Variants in HS6ST3 observed in about 807,000 individuals in gnomAD.
HS6ST3 encodes heparan sulfate 6-O-sulfotransferase 3.
A neutral mutation model predicts 36.7 loss-of-function variants in HS6ST3; 12 were observed. The ratio of observed to expected loss-of-function variants is 0.33; its 90% CI spans 0.21 to 0.53. The LOEUF is 0.53. HS6ST3 is among the 20% of genes least tolerant of loss of function. The pLI is 0.95. For missense variants in HS6ST3, 584 were observed against 640.9 expected, an observed-to-expected ratio of 0.91 and a Z score of 0.96; for synonymous variants, 240 against 257.5, an observed-to-expected ratio of 0.93 and a Z score of 0.65.
At position 96,502,706 on chromosome 13, in the gene HS6ST3, C is replaced by T. The variant is rs138012105; in HGVS notation, c.708-329784C>T. Among the ~76,000 whole-genome samples the T allele has an allele frequency of 1.0e-3, 155 of 152,198 alleles. 1 individual carries two copies. The highest frequency in any genetic ancestry group is 7.7e-3 in the South Asian group (37 of 4,826). Reference sequence around the variant, plus strand: ...GGTCTTCTAATGCCCATGTCTGGGACGGGAACATGCACCATCTCTCATGTG... The same window carrying T: ...GGTCTTCTAATGCCCATGTCTGGGATGGGAACATGCACCATCTCTCATGTG... On this transcript the variant is annotated intron_variant, in intron 1 of 1. Transcript: ENST00000376705.
intron 1 of HS6ST3, among the ~76,000 whole-genome samples, chr13:96,287,079 A>G (rs1454667521): frequency 6.6e-6 from 1 of 152,090 alleles, no homozygotes; most frequent in African/African-American, 2.4e-5. Flanking sequence ...TTGGAAGACA[A>G]GAAGATCTTT....
chr13:96,173,232 A>T lies in HS6ST3; in HGVS notation c.707+81663A>T, dbSNP rs137932636. Among the ~76,000 whole-genome samples, 21 of 152,264 alleles carry T rather than the reference A, an allele frequency of 1.4e-4. No homozygotes were observed. The East Asian group carries it at 4.1e-3, about 29-fold the overall frequency. ...GATGTATCTCTGTAAACTAGGTGTG[A>T]TTATCATCATTTTACAGAAGAAGAA... is the stretch of plus-strand genomic sequence containing the variant. On this transcript the variant is annotated intron_variant, in intron 1 of 1. Transcript: ENST00000376705.
At chr13:96,496,574 C>A (rs891798963) in intron 1 of HS6ST3, among the ~76,000 whole-genome samples, 3 of 152,044 alleles carry the variant, frequency 2.0e-5, no homozygotes, top group African/African-American at 7.3e-5. Flanking sequence ...AAGAGATATG[C>A]CTGCTCGCAC....
intron 1 of HS6ST3, among the ~76,000 whole-genome samples, chr13:96,746,627 T>A (rs1876567741): frequency 1.3e-5 from 2 of 152,122 alleles, no homozygotes; most frequent in South Asian, 4.1e-4. Context: ...TCATGAAGCA[T>A]AATTATAAAT....
In HS6ST3 at chr13:96,522,847, T is replaced by C. The variant is rs2056099206; in HGVS notation, c.708-309643T>C. ...CCATCTGTGTCTTTTAATTGGGACATTTATCCCATTTACATTTAAGGTTAA... is the reference window on the plus strand; with the variant it reads ...CCATCTGTGTCTTTTAATTGGGACACTTATCCCATTTACATTTAAGGTTAA... On this transcript the variant is annotated intron_variant, in intron 1 of 1. Coordinates refer to ENST00000376705, the MANE Select transcript of HS6ST3 (RefSeq NM_153456.4). Among the ~76,000 whole-genome samples, 3 of 152,344 alleles carry C rather than the reference T, an allele frequency of 2.0e-5. No homozygotes were observed. In the East Asian group the frequency reaches 5.8e-4, roughly 29 times the overall value.
chr13:96,441,097 A>T (rs1286551675), intron 1 of HS6ST3, among the ~76,000 whole-genome samples: 5 of 152,172 alleles, frequency 3.3e-5, no homozygotes, highest in Non-Finnish European at 7.4e-5. Context: ...CAGATTCAAC[A>T]TGAAGACTGC....
At chr13:96,672,322 T>C (rs1298025905) in intron 1 of HS6ST3, among the ~76,000 whole-genome samples, 1 of 152,218 alleles carries the variant, frequency 6.6e-6, no homozygotes, top group East Asian at 1.9e-4. Flanking sequence ...TATGTACAGC[T>C]TAAAATTACT....
intron 1 of HS6ST3, among the ~76,000 whole-genome samples, chr13:96,547,145 G>A (rs1043452654): frequency 2.0e-5 from 3 of 152,200 alleles, no homozygotes; most frequent in Non-Finnish European, 4.4e-5. Flanking sequence ...TTGGAAGTGA[G>A]AAGATACTGG....
At chr13:96,251,521 T>C (rs2054607899) in intron 1 of HS6ST3, among the ~76,000 whole-genome samples, 1 of 152,122 alleles carries the variant, frequency 6.6e-6, no homozygotes, top group African/African-American at 2.4e-5. Flanking sequence ...GTTTATCTTT[T>C]AAAAAGACAA....
At chr13:96,638,521 G>A (rs572978772) in intron 1 of HS6ST3, among the ~76,000 whole-genome samples, 2 of 151,932 alleles carry the variant, frequency 1.3e-5, no homozygotes, top group Non-Finnish European at 2.9e-5. Context: ...GAGGGACTAG[G>A]TGGAGGTAAT....
chr13:96,594,273 G>C (rs2056393887), intron 1 of HS6ST3, among the ~76,000 whole-genome samples: 1 of 151,668 alleles, frequency 6.6e-6, no homozygotes, highest in Admixed American at 6.6e-5. Flanking sequence ...ACCTGGCCAG[G>C]GTCTTTTTTT....
chr13:96,113,127 G>A (rs61967961), intron 1 of HS6ST3, among the ~76,000 whole-genome samples: 6,733 of 152,190 alleles, frequency 0.044, 178 homozygotes, highest in African/African-American at 0.079. Flanking sequence ...CCTCAAGCCT[G>A]TTTATGCTCA....
At chr13:96,694,873 A>T (rs1261563894) in intron 1 of HS6ST3, among the ~76,000 whole-genome samples, 1 of 152,028 alleles carries the variant, frequency 6.6e-6, no homozygotes, top group Non-Finnish European at 1.5e-5. Context: ...ATGAGGGAAA[A>T]AAACAACACA....
At chr13:96,397,790 G>A (rs1435388353) in intron 1 of HS6ST3, among the ~76,000 whole-genome samples, 1 of 152,188 alleles carries the variant, frequency 6.6e-6, no homozygotes, top group Non-Finnish European at 1.5e-5. Context: ...ATATGGCTTA[G>A]TAAGCACTTA....
intron 1 of HS6ST3, among the ~76,000 whole-genome samples, chr13:96,168,282 GAC>G (rs1400869189): frequency 4.6e-5 from 7 of 152,150 alleles, no homozygotes; most frequent in Admixed American, 1.3e-4. Context: ...TTATCTTTAA[GAC>G]ACACGAGTCC....
chr13:96,403,382 G>C (rs1172284838), intron 1 of HS6ST3, among the ~76,000 whole-genome samples: 1 of 152,184 alleles, frequency 6.6e-6, no homozygotes, highest in African/African-American at 2.4e-5. Context: ...AATAGACTCA[G>C]TAAAGTGCCA....
At chr13:96,697,268 C>A (rs1875155084) in intron 1 of HS6ST3, among the ~76,000 whole-genome samples, 1 of 151,460 alleles carries the variant, frequency 6.6e-6, no homozygotes, top group South Asian at 2.1e-4. Flanking sequence ...TTTAAATGAG[C>A]AGATTGGGTG....
At chr13:96,672,296 G>T (rs2056685199) in intron 1 of HS6ST3, among the ~76,000 whole-genome samples, 1 of 152,060 alleles carries the variant, frequency 6.6e-6, no homozygotes, top group African/African-American at 2.4e-5. Flanking sequence ...TTCCTTTCTT[G>T]TACTATATTT....
intron 1 of HS6ST3, among the ~76,000 whole-genome samples, chr13:96,526,663 G>A: frequency 6.6e-6 from 1 of 152,100 alleles, no homozygotes; most frequent in East Asian, 1.9e-4. Flanking sequence ...GTATTAAGTT[G>A]AACCCTTTTC....
Sources: gnomAD v4.1 joint callset for allele counts (sites outside exome capture counted in the v4.1 genomes callset) on GRCh38, gnomAD v4.1.1 for gene constraint, MANE v1.5 for transcripts, NCBI Gene and HGNC (gene_info 2026-07-23, HGNC 2026-07-21) for gene names.